SHISA9: variants seen among roughly 807,000 people sequenced by gnomAD.
SHISA9 encodes the protein protein shisa-9.
Under a neutral mutation model 38.0 loss-of-function variants are expected in SHISA9, and 13 were observed. That is an observed-to-expected ratio of 0.34 (90% CI 0.22 to 0.54). SHISA9 has a LOEUF of 0.54. Among genes scored for constraint, SHISA9 ranks in the 20% least tolerant of loss-of-function variants. The probability of loss-of-function intolerance (pLI) is 0.91; values close to 1 mark genes in which losing one functional copy is unlikely to be tolerated. For synonymous variants in SHISA9, 275 were observed against 242.0 expected, an observed-to-expected ratio of 1.14 and a Z score of -1.27; for missense variants, 538 against 575.8, an observed-to-expected ratio of 0.93 and a Z score of 0.67.
chr16:13,287,322 G>C, the SHISA9 span, among the ~76,000 whole-genome samples: 1 of 152,112 alleles, frequency 6.6e-6, no homozygotes, highest in Non-Finnish European at 1.5e-5. Flanking sequence ...ACTATTCCGT[G>C]GCAGAAAGAT....
chr16:13,028,713 T>C (rs1184121424), intron 2 of SHISA9, among the ~76,000 whole-genome samples: 1 of 152,152 alleles, frequency 6.6e-6, no homozygotes, highest in Non-Finnish European at 1.5e-5. Flanking sequence ...GCCCCTCAGC[T>C]CAGCAATCCC....
chr16:13,019,847 C>T (rs1367120969), intron 2 of SHISA9, among the ~76,000 whole-genome samples: 5 of 15,318 alleles, frequency 3.3e-4, no homozygotes, highest in East Asian at 9.6e-3. Context: ...TCCTTCCTTC[C>T]CTCCCTCCCT....
downstream of SHISA9, among the ~76,000 whole-genome samples, chr16:13,243,988 G>A (rs1458250998): frequency 1.3e-5 from 2 of 151,986 alleles, no homozygotes; most frequent in African/African-American, 4.8e-5. Context: ...GGCCAGGATG[G>A]CCTCGATTTC....
chr16:12,924,745 G>A (rs938701692), intron 2 of SHISA9, among the ~76,000 whole-genome samples: 1 of 152,150 alleles, frequency 6.6e-6, no homozygotes, highest in African/African-American at 2.4e-5. Context: ...TGGTATAGAT[G>A]GATCTCTGAC....
Position 13,181,312 on chromosome 16 carries a change from TACACAC to T in SHISA9, c.692-22064_692-22059del, listed in dbSNP as rs1217237745. Among the ~76,000 whole-genome samples, 28 of 34,084 alleles carry T rather than the reference TACACAC, an allele frequency of 8.2e-4. 1 individual carries two copies. The highest frequency in any genetic ancestry group is 2.3e-3 in the East Asian group (2 of 858). The allele number at this position is 34,084 out of a possible 152,430, so 22.4% of individuals were successfully genotyped here. A position where few individuals can be genotyped will look rare whatever the true frequency, so the allele number is the denominator to read the frequency against. On this transcript the variant is annotated intron_variant, in intron 2 of 4. Transcript: ENST00000558583. ...ATATATATATATATATATATATATA[TACACAC>T]ACACACACACACACACATATACGAG...
intron 2 of SHISA9, among the ~76,000 whole-genome samples, chr16:12,992,362 TA>T (rs34729407): frequency 1.1e-3 from 128 of 113,726 alleles, no homozygotes; most frequent in African/African-American, 9.1e-4. Flanking sequence ...CCATCTCTAC[TA>T]AAAAAAAAAA....
chr16:13,504,316 G>A, the SHISA9 span, among the ~76,000 whole-genome samples: 43 of 152,098 alleles, frequency 2.8e-4, no homozygotes, highest in South Asian at 4.2e-4. Flanking sequence ...CCATTTATGC[G>A]TCATTTAACT....
At chr16:13,213,394 C>T in intron 4 of SHISA9, 94 bp downstream of exon 4, 1 of 1,200,114 alleles carries the variant, frequency 8.3e-7, no homozygotes, top group Non-Finnish European at 1.2e-6. Context: ...TCTGTGTGAC[C>T]TGTGCACATG....
At chr16:13,211,636 C>A (rs567707938) in intron 3 of SHISA9, among the ~76,000 whole-genome samples, 1 of 152,152 alleles carries the variant, frequency 6.6e-6, no homozygotes, top group Non-Finnish European at 1.5e-5. Flanking sequence ...CACAGTGGAG[C>A]CTTAACTAAA....
At chr16:12,904,179 C>T (rs1171445236) in intron 1 of SHISA9, among the ~76,000 whole-genome samples, 6 of 152,166 alleles carry the variant, frequency 3.9e-5, no homozygotes, top group Non-Finnish European at 8.8e-5. Context: ...CTGTTAATTC[C>T]CCGGGTCTGT....
At chr16:13,211,200 G>C (rs1464889632) in intron 3 of SHISA9, among the ~76,000 whole-genome samples, 2 of 151,954 alleles carry the variant, frequency 1.3e-5, no homozygotes, top group African/African-American at 4.8e-5. Context: ...GGGAGGCTGA[G>C]GCAGGAGAAT....
intron 2 of SHISA9, among the ~76,000 whole-genome samples, chr16:13,054,751 G>T (rs1473472903): frequency 6.6e-6 from 1 of 152,128 alleles, no homozygotes; most frequent in Non-Finnish European, 1.5e-5. Context: ...GCTGCTTCTG[G>T]CCTCTCTCTG....
At chr16:13,328,417 C>CTT in the SHISA9 span, among the ~76,000 whole-genome samples, 8 of 140,572 alleles carry the variant, frequency 5.7e-5, no homozygotes, top group Admixed American at 2.9e-4. Flanking sequence ...TCTCTTTTTC[C>CTT]TTTTTTTTTT....
At position 13,082,078 on chromosome 16, in the gene SHISA9, C is replaced by T. The variant is rs535286558; in HGVS notation, c.692-121316C>T. On this transcript the variant is annotated intron_variant, in intron 2 of 4. Coordinates refer to ENST00000558583, the MANE Select transcript of SHISA9 (RefSeq NM_001145204.3). The stretch of plus-strand genomic sequence containing the variant: ...GTAACTGCTAAGGCAACAACGACTA[C>T]AACAACAACAGAACCCCCCAAAGGG... Among the ~76,000 whole-genome samples, 14 of 152,252 alleles carry T rather than the reference C, an allele frequency of 9.2e-5. No individual in the cohort carries two copies. The South Asian group carries it at 2.9e-3, about 32-fold the overall frequency.
chr16:13,345,879 G>T, the SHISA9 span, among the ~76,000 whole-genome samples: 52 of 152,256 alleles, frequency 3.4e-4, 1 homozygote, highest in African/African-American at 1.1e-3. Context: ...TCCTATGATT[G>T]TTGGCCTCAT....
At chr16:13,462,727 C>T in the SHISA9 span, among the ~76,000 whole-genome samples, 3 of 151,894 alleles carry the variant, frequency 2.0e-5, no homozygotes, top group South Asian at 2.1e-4. Context: ...TTTAGGAGGC[C>T]GAGGCGGGGG....
chr16:12,962,285 T>G (rs1178275488), intron 2 of SHISA9, among the ~76,000 whole-genome samples: 1 of 152,100 alleles, frequency 6.6e-6, no homozygotes, highest in East Asian at 1.9e-4. Context: ...AGAGCCAGAG[T>G]CAGGGTTGAC....
At chr16:13,019,730 T>C (rs1473892763) in intron 2 of SHISA9, among the ~76,000 whole-genome samples, 1 of 151,854 alleles carries the variant, frequency 6.6e-6, no homozygotes, top group African/African-American at 2.4e-5. Flanking sequence ...CTAGTACCCA[T>C]TAGTTGTTTT....
intron 2 of SHISA9, among the ~76,000 whole-genome samples, chr16:13,076,789 G>A (rs2073587812): frequency 1.3e-5 from 2 of 152,092 alleles, no homozygotes; most frequent in Non-Finnish European, 2.9e-5. Flanking sequence ...AATCTACTTG[G>A]TTGTCACCTC....
Sources: allele counts gnomAD v4.1 joint callset (sites outside exome capture counted in the v4.1 genomes callset), GRCh38; gene constraint gnomAD v4.1.1; transcripts MANE v1.5; gene names NCBI Gene and HGNC (gene_info 2026-07-23, HGNC 2026-07-21).